CDH4: variants seen among roughly 807,000 people sequenced by gnomAD.
CDH4 encodes cadherin-4.
Under a neutral mutation model 86.0 loss-of-function variants are expected in CDH4, and 33 were observed. The observed-to-expected ratio is 0.38, with a 90% CI of 0.29 to 0.51. CDH4 has a LOEUF of 0.51. Ranked by LOEUF, CDH4 falls within the 20% of genes least tolerant of loss-of-function variation. The pLI is 0.86. For missense variants in CDH4, 1,114 were observed against 1,307.4 expected, an observed-to-expected ratio of 0.85 and a Z score of 2.28; for synonymous variants, 555 against 549.4, an observed-to-expected ratio of 1.01 and a Z score of -0.14.
intron 2 of CDH4, among the ~76,000 whole-genome samples, chr20:61,465,137 G>A (rs2085465535): frequency 6.6e-6 from 1 of 152,168 alleles, no homozygotes; most frequent in Non-Finnish European, 1.5e-5. Context: ...GGAAGGGCAA[G>A]GTATTGTGTA....
intron 2 of CDH4, among the ~76,000 whole-genome samples, chr20:61,643,423 T>C (rs2087031524): frequency 6.6e-6 from 1 of 152,150 alleles, no homozygotes; most frequent in Non-Finnish European, 1.5e-5. Flanking sequence ...CATAGCACCG[T>C]GTAAGGTCAC....
chr20:61,864,286 CTG>C (rs1184855692), intron 6 of CDH4, among the ~76,000 whole-genome samples: 6 of 152,192 alleles, frequency 3.9e-5, no homozygotes, highest in Admixed American at 1.3e-4. Context: ...GGGGCCAGTT[CTG>C]TTGCTTCAAG....
chr20:61,825,141 C>T (rs1031523445), intron 4 of CDH4, among the ~76,000 whole-genome samples: 2 of 152,136 alleles, frequency 1.3e-5, no homozygotes, highest in Non-Finnish European at 2.9e-5. Context: ...GACACGCTGG[C>T]TCATGTCTGT....
At chr20:61,606,690 G>T (rs2086648342) in intron 2 of CDH4, among the ~76,000 whole-genome samples, 1 of 152,162 alleles carries the variant, frequency 6.6e-6, no homozygotes, top group South Asian at 2.1e-4. Flanking sequence ...GTAGATTGGA[G>T]GCCTCCTTGG....
chr20:61,326,521 C>T (rs1266658558), intron 2 of CDH4, among the ~76,000 whole-genome samples: 1 of 152,152 alleles, frequency 6.6e-6, no homozygotes, highest in Non-Finnish European at 1.5e-5. Context: ...AAGTAGATAA[C>T]CAGTTAAAAA....
intron 7 of CDH4, among the ~76,000 whole-genome samples, chr20:61,881,543 C>T (rs996698476): frequency 3.2e-4 from 49 of 152,354 alleles, no homozygotes; most frequent in Admixed American, 9.8e-4. Flanking sequence ...CTCCAGTGGT[C>T]AATTAGTCGA....
chr20:61,675,026 A>T (rs1051599126), intron 2 of CDH4, among the ~76,000 whole-genome samples: 1 of 152,236 alleles, frequency 6.6e-6, no homozygotes, highest in African/African-American at 2.4e-5. Context: ...CTGATCCATT[A>T]CAGAAAATGC....
At chr20:61,770,419 T>C (rs975231814) in intron 3 of CDH4, among the ~76,000 whole-genome samples, 7 of 152,212 alleles carry the variant, frequency 4.6e-5, no homozygotes, top group African/African-American at 1.7e-4. Context: ...TCCTACTGCC[T>C]CTGCAATTCA....
chr20:61,477,196 C>T (rs574153836), intron 2 of CDH4, among the ~76,000 whole-genome samples: 80 of 152,302 alleles, frequency 5.3e-4, no homozygotes, highest in South Asian at 2.1e-3. Flanking sequence ...ACGCAGTGTG[C>T]GTGGAGGGCC....
intron 2 of CDH4, among the ~76,000 whole-genome samples, chr20:61,646,360 C>G (rs887645199): frequency 6.6e-6 from 1 of 152,184 alleles, no homozygotes; most frequent in Non-Finnish European, 1.5e-5. Context: ...GTTCAGAGCT[C>G]TGGTCAGGCA....
At position 61,708,483 on chromosome 20, in the gene CDH4, A is replaced by G. The variant is rs924803982; in HGVS notation, c.170-35080A>G. Among the ~76,000 whole-genome samples, 9 of 152,014 alleles carry G rather than the reference A, an allele frequency of 5.9e-5. No individual in the cohort carries two copies. Among genetic ancestry groups the G allele is most frequent in the African/African-American group, 1.9e-4 (8 of 41,392 alleles). On this transcript the variant is annotated intron_variant, in intron 2 of 15. Coordinates refer to ENST00000614565, the MANE Select transcript of CDH4 (RefSeq NM_001794.5). The surrounding 1 kb of genome is among the most constrained non-coding windows in gnomAD (Gnocchi z 4.5). ...AGTCAGGGGGCTATGGAGAAACCCA[A>G]TCCAGGCCCCGGGCTCCCAGTTTGA...
chr20:61,731,684 C>G (rs1178887605), intron 2 of CDH4, among the ~76,000 whole-genome samples: 3 of 152,228 alleles, frequency 2.0e-5, no homozygotes, highest in Non-Finnish European at 4.4e-5. Context: ...ATGGGCAGGC[C>G]CCGTGCAGAC....
At chr20:61,537,895 C>A (rs1292014556) in intron 2 of CDH4, among the ~76,000 whole-genome samples, 1 of 152,180 alleles carries the variant, frequency 6.6e-6, no homozygotes, top group African/African-American at 2.4e-5. Context: ...GGCTGCGTGG[C>A]CTGCTGTCTC....
intron 4 of CDH4, among the ~76,000 whole-genome samples, chr20:61,786,103 G>A (rs572646622): frequency 7.2e-5 from 11 of 152,300 alleles, no homozygotes; most frequent in Non-Finnish European, 1.3e-4. Context: ...GAGAGGCTTT[G>A]GGGGTCTTCG....
At chr20:61,744,755 G>A (rs1250961068) in intron 3 of CDH4, among the ~76,000 whole-genome samples, 1 of 152,194 alleles carries the variant, frequency 6.6e-6, no homozygotes. Context: ...CTTTCATCCT[G>A]GCATATTCCA....
intron 2 of CDH4, among the ~76,000 whole-genome samples, chr20:61,652,938 ATTT>A (rs763918382): frequency 2.1e-5 from 2 of 97,400 alleles, no homozygotes; most frequent in Non-Finnish European, 4.7e-5. Flanking sequence ...TTATTTATTT[ATTT>A]TTTTTTTTTT....
chr20:61,509,963 A>T (rs1453647499), intron 2 of CDH4, among the ~76,000 whole-genome samples: 1 of 152,160 alleles, frequency 6.6e-6, no homozygotes, highest in Admixed American at 6.6e-5. Context: ...GGATTTTTCC[A>T]TATGGCGAAG....
chr20:61,877,523 T>G (rs1175592813), intron 7 of CDH4, among the ~76,000 whole-genome samples: 1 of 152,142 alleles, frequency 6.6e-6, no homozygotes, highest in Non-Finnish European at 1.5e-5. Context: ...GCTGGCGTTC[T>G]CCGCTGTGTG....
chr20:61,559,426 C>T (rs1004992592), intron 2 of CDH4, among the ~76,000 whole-genome samples: 13 of 151,978 alleles, frequency 8.6e-5, no homozygotes, highest in Non-Finnish European at 1.8e-4. Flanking sequence ...CTGCAAGAGA[C>T]GGCGCGCTGT....
Sources: allele counts gnomAD v4.1 joint callset (sites outside exome capture counted in the v4.1 genomes callset), GRCh38; gene constraint gnomAD v4.1.1; non-coding constraint Gnocchi (gnomAD v3.1); transcripts MANE v1.5; gene names NCBI Gene and HGNC (gene_info 2026-07-23, HGNC 2026-07-21).